EHBP1: variants seen among roughly 807,000 people sequenced by gnomAD.
The protein encoded by EHBP1 is EH domain binding protein 1.
EHBP1 carries 55 observed loss-of-function variants against 144.0 expected under a neutral mutation model. The ratio of observed to expected loss-of-function variants is 0.38; its 90% CI spans 0.31 to 0.48. The LOEUF is 0.48. Ranked by LOEUF, EHBP1 falls within the 20% of genes least tolerant of loss-of-function variation. The pLI is 0.98. For synonymous variants in EHBP1, 469 were observed against 472.7 expected (o/e 0.99, Z 0.10); for missense variants, 1,200 against 1,364.2 (o/e 0.88, Z 1.90).
At chr2:62,728,508 A>T (rs2037065455) in intron 2 of EHBP1, among the ~76,000 whole-genome samples, 1 of 152,238 alleles carries the variant, frequency 6.6e-6, no homozygotes, top group East Asian at 1.9e-4. Context: ...GTTGAGCCAC[A>T]ATATTTTCAT....
At chr2:62,943,637 A>C (rs887642682) in intron 11 of EHBP1, among the ~76,000 whole-genome samples, 165 bp from the exon 12 acceptor site, 15 of 152,012 alleles carry the variant, frequency 9.9e-5, no homozygotes, top group African/African-American at 1.9e-4. Context: ...TTATTTATTT[A>C]TTTCTTTAAT....
intron 5 of EHBP1, among the ~76,000 whole-genome samples, chr2:62,789,700 T>C (rs572563401): frequency 3.4e-4 from 52 of 152,324 alleles, no homozygotes; most frequent in Non-Finnish European, 5.4e-4. Flanking sequence ...GCACTGGCAG[T>C]CTCATACCCA....
At chr2:62,787,803 T>C (rs2042917698) in intron 5 of EHBP1, among the ~76,000 whole-genome samples, 1 of 152,226 alleles carries the variant, frequency 6.6e-6, no homozygotes, top group African/African-American at 2.4e-5. Context: ...CTGGGTAGAA[T>C]TATTTGAGCT....
intron 1 of EHBP1, among the ~76,000 whole-genome samples, chr2:62,675,547 T>C (rs2033253897): frequency 6.6e-6 from 1 of 152,020 alleles, no homozygotes; most frequent in Non-Finnish European, 1.5e-5. Context: ...GAGAGCCAAA[T>C]AGTGTGTTTC....
chr2:62,909,983 G>A lies in EHBP1; in HGVS notation c.1186-32735G>A, dbSNP rs183104347. On this transcript the variant is annotated intron_variant, in intron 10 of 22. Transcript: ENST00000431489. ...CATGTTGGCCAGGTCTTGAACTCCT[G>A]ATCTCAGGTGATCCACCTGCCTTGG... 2.2e-3 allele frequency among the ~76,000 whole-genome samples: 341 copies of A among 151,990 alleles called. 5 individuals are homozygous for A. The highest frequency in any genetic ancestry group is 5.4e-3 in the Admixed American group (83 of 15,276).
intron 3 of EHBP1, among the ~76,000 whole-genome samples, chr2:62,762,989 C>G (rs904435845): frequency 6.6e-6 from 1 of 152,108 alleles, no homozygotes; most frequent in Non-Finnish European, 1.5e-5. Flanking sequence ...TACTGCTATC[C>G]TCTTGACCAC....
At chr2:62,830,084 A>T (rs950466626) in intron 6 of EHBP1, among the ~76,000 whole-genome samples, 1 of 150,298 alleles carries the variant, frequency 6.7e-6, no homozygotes, top group African/African-American at 2.5e-5. Context: ...AAAATACGGA[A>T]CCAGCCTAAA....
chr2:62,821,204 AT>A (rs1330799575), intron 5 of EHBP1, among the ~76,000 whole-genome samples: 2 of 152,136 alleles, frequency 1.3e-5, no homozygotes, highest in African/African-American at 4.8e-5. Flanking sequence ...AAAGGATTAC[AT>A]TTCTATCATG....
At chr2:62,735,231 C>T (rs1484963872) in intron 2 of EHBP1, among the ~76,000 whole-genome samples, 1 of 151,918 alleles carries the variant, frequency 6.6e-6, no homozygotes, top group Non-Finnish European at 1.5e-5. Flanking sequence ...TATATGATTC[C>T]ATTTTCTCTC....
At chr2:62,836,574 G>GA (rs1488814976) in intron 7 of EHBP1, among the ~76,000 whole-genome samples, 1 of 125,952 alleles carries the variant, frequency 7.9e-6, no homozygotes. Context: ...CAAAGGCAAA[G>GA]AAGTTGAAAA....
chr2:62,681,176 G>A (rs2151728400), intron 1 of EHBP1, among the ~76,000 whole-genome samples: 1 of 150,882 alleles, frequency 6.6e-6, no homozygotes, highest in East Asian at 2.0e-4. Context: ...AGCCAGGCAT[G>A]GTGGTGGCCA....
intron 2 of EHBP1, among the ~76,000 whole-genome samples, chr2:62,729,383 ATC>A (rs1413362304): frequency 8.2e-6 from 1 of 121,926 alleles, no homozygotes; most frequent in Non-Finnish European, 1.6e-5. Context: ...AATAATAAAT[ATC>A]ATATTTATTA....
chr2:62,746,645 A>G (rs1175161899), intron 2 of EHBP1, among the ~76,000 whole-genome samples: 5 of 152,128 alleles, frequency 3.3e-5, no homozygotes, highest in Non-Finnish European at 7.4e-5. Context: ...TTGATGCAGA[A>G]GTAATTGCGG....
At chr2:62,910,659 G>C (rs1251412492) in intron 10 of EHBP1, among the ~76,000 whole-genome samples, 1 of 151,670 alleles carries the variant, frequency 6.6e-6, no homozygotes, top group Admixed American at 6.6e-5. Flanking sequence ...TTTTTGCCCA[G>C]CTTTACCTTA....
At chr2:62,773,850 CAAAAAAAAAAAAAAAAAAAAAAA>C (rs570715468) in intron 5 of EHBP1, among the ~76,000 whole-genome samples, 6 of 41,554 alleles carry the variant, frequency 1.4e-4, no homozygotes, top group African/African-American at 3.8e-4. Flanking sequence ...GACTCCATCT[CAAAAAAAAAAAAAAAAAAAAAAA>C]AAAAAAAAAA....
intron 10 of EHBP1, among the ~76,000 whole-genome samples, chr2:62,890,380 GT>G (rs2052359668): frequency 6.6e-6 from 1 of 152,106 alleles, no homozygotes; most frequent in Admixed American, 6.6e-5. Flanking sequence ...AGCATGGAAT[GT>G]TTTTCCATTT....
chr2:63,019,089 G>A (rs1318746756), intron 19 of EHBP1, among the ~76,000 whole-genome samples: 5 of 152,098 alleles, frequency 3.3e-5, no homozygotes, highest in Non-Finnish European at 7.4e-5. Context: ...GGCCAAGACA[G>A]TGATTCTCAA....
intron 5 of EHBP1, among the ~76,000 whole-genome samples, chr2:62,818,721 A>C (rs899504132): frequency 5.3e-5 from 8 of 152,234 alleles, no homozygotes; most frequent in Non-Finnish European, 8.8e-5. Context: ...TTGACTAGAA[A>C]GAATCACAAA....
intron 2 of EHBP1, among the ~76,000 whole-genome samples, chr2:62,710,936 T>C (rs1267738483): frequency 6.6e-6 from 1 of 152,192 alleles, no homozygotes; most frequent in Non-Finnish European, 1.5e-5. Flanking sequence ...TGGAGTGATA[T>C]AGAGATACAT....
Sources: gnomAD v4.1 joint callset for allele counts (sites outside exome capture counted in the v4.1 genomes callset) on GRCh38, gnomAD v4.1.1 for gene constraint, MANE v1.5 for transcripts, NCBI Gene and HGNC (gene_info 2026-07-23, HGNC 2026-07-21) for gene names.